Variants in FTCD observed in about 807,000 individuals in gnomAD.
FTCD encodes the protein formimidoyltransferase cyclodeaminase, also known as formimidoyltransferase-cyclodeaminase.
FTCD carries 76 observed loss-of-function variants against 62.9 expected under a neutral mutation model. That is an observed-to-expected ratio of 1.21 (90% confidence interval 1.00 to 1.46). The LOEUF (loss-of-function observed/expected upper bound fraction) is 1.46. Among genes scored for constraint, FTCD ranks in the 40% most tolerant of loss-of-function variants. The pLI is 0.00. For synonymous variants in FTCD, 397 were observed against 336.9 expected (o/e 1.18, Z -1.95); for missense variants, 845 against 751.3 (o/e 1.12, Z -1.46).
chr21:46,136,663 C>T (rs771044239), downstream of FTCD: 7 of 1,469,714 alleles, frequency 4.8e-6, no homozygotes, highest in Non-Finnish European at 6.3e-6. Context: ...ACGCTGCAAC[C>T]CCATTCCCTC....
intron 10 of FTCD, among the ~76,000 whole-genome samples, chr21:46,139,712 G>A (rs1455601468): frequency 1.3e-5 from 2 of 152,222 alleles, no homozygotes; most frequent in South Asian, 2.1e-4. Flanking sequence ...AGTGATCGAG[G>A]AACAGAAATG....
At chr21:46,150,791 C>T (rs1410517900) in intron 5 of FTCD, among the ~76,000 whole-genome samples, 1 of 152,268 alleles carries the variant, frequency 6.6e-6, no homozygotes, top group East Asian at 1.9e-4. Flanking sequence ...GCCTTCCAGC[C>T]ACGCTGTGTC....
chr21:46,142,403 G>A (rs548278770), intron 10 of FTCD: 9 of 150,478 alleles, frequency 6.0e-5, no homozygotes, highest in African/African-American at 2.2e-4. Flanking sequence ...TGAGGCCGCC[G>A]ACCTTCACAG....
intron 10 of FTCD, 199 bp from the exon 11 acceptor site, chr21:46,139,122 C>A: frequency 1.6e-6 from 1 of 620,122 alleles, no homozygotes; most frequent in South Asian, 1.9e-5. Flanking sequence ...GGGGTCGGGG[C>A]ACACAGCAGA....
At chr21:46,148,709 A>C (rs891855724) in intron 7 of FTCD, among the ~76,000 whole-genome samples, 2 of 152,220 alleles carry the variant, frequency 1.3e-5, no homozygotes, top group Non-Finnish European at 2.9e-5. Context: ...GGCGCTTTTA[A>C]AAGTCTGTCC....
chr21:46,144,221 C>A (rs1458493044), intron 10 of FTCD, among the ~76,000 whole-genome samples: 1 of 151,680 alleles, frequency 6.6e-6, no homozygotes, highest in East Asian at 2.0e-4. Context: ...AGGGCCACTA[C>A]CGGTCTCCGT....
At chr21:46,152,228 A>AT (rs1372254753) in intron 3 of FTCD, 3 of 509,768 alleles carry the variant, frequency 5.9e-6, no homozygotes, top group Non-Finnish European at 1.0e-5. Flanking sequence ...CAGGGTTAGG[A>AT]TGGAACATGT....
intron 10 of FTCD, 44 bp downstream of exon 10, chr21:46,145,350 ACTGGGGCCCCAGCTGGGGGTTCG>A (rs1419821451): frequency 1.6e-5 from 21 of 1,354,330 alleles, no homozygotes; most frequent in Middle Eastern, 2.4e-4. Context: ...CCCGCTTCTC[ACTGGGGCCCCAGCTGGGGGTTCG>A]CTGTTGGTGG....
rs2079228495 is a variant in FTCD, at chr21:46,150,018, G to A, written c.906+101C>T. 9 of 1,087,914 alleles carry A rather than the reference G, an allele frequency of 8.3e-6. No individual in the cohort carries two copies. In the Admixed American group the frequency reaches 1.6e-4, roughly 19 times the overall value. 67.4% of individuals were successfully genotyped at this position (1,087,914 alleles called of 1,614,324 possible). A position where few individuals can be genotyped will look rare whatever the true frequency, so the allele number is the denominator to read the frequency against. The stretch of plus-strand genomic sequence containing the variant: ...ACAAGTCAATAAAATGAAGGGGGAG[G>A]AGGGGGAGGGAAGCTGCGCCCCAGG... On this transcript the variant is annotated intron_variant, in intron 7 of 13. Coordinates refer to ENST00000397746, the MANE Select transcript of FTCD (RefSeq NM_206965.2).
chr21:46,143,557 C>T (rs1057038194), intron 10 of FTCD, among the ~76,000 whole-genome samples: 1 of 152,188 alleles, frequency 6.6e-6, no homozygotes, highest in African/African-American at 2.4e-5. Flanking sequence ...TTATAATAAT[C>T]TTTGCTCTGC....
chr21:46,142,049 G>C (rs923617543), intron 10 of FTCD: 1 of 152,354 alleles, frequency 6.6e-6, no homozygotes, highest in Admixed American at 6.5e-5. Context: ...GGCGGGCTGT[G>C]GCGAAGGCGG....
chr21:46,151,420 G>A, intron 5 of FTCD, 138 bp downstream of exon 5: 1 of 784,016 alleles, frequency 1.3e-6, no homozygotes, highest in South Asian at 1.6e-5. Flanking sequence ...GCGGAGGCTG[G>A]GCCGGTCTGC....
chr21:46,152,463 G>C (rs865807991), intron 3 of FTCD: 4 of 202,374 alleles, frequency 2.0e-5, no homozygotes, highest in Admixed American at 1.6e-4. Context: ...CGTGACGGGG[G>C]TTACGTGTGC....
rs1242339088 is a variant in FTCD at position 46,152,893 on chromosome 21, G to A, written c.367+14C>T. ...GACGGGAGCAGAGTGAGGGGGGCGG[G>A]GGGGCACGCTCACCTGGCACGTCCA... On this transcript the variant is annotated intron_variant, in intron 3 of 13. Coordinates refer to ENST00000397746, the MANE Select transcript of FTCD (RefSeq NM_206965.2). The A allele has an allele frequency of 2.6e-6, 4 of 1,567,324 alleles. No homozygotes were observed. Among genetic ancestry groups the A allele is most frequent in the East Asian group, 2.3e-5 (1 of 43,256 alleles).
chr21:46,136,457 T>TG (rs769583515), downstream of FTCD: 6 of 1,612,484 alleles, frequency 3.7e-6, no homozygotes, highest in African/African-American at 1.3e-5. Flanking sequence ...AGCGAGGCTA[T>TG]CCTTCCAGCG....
intron 7 of FTCD, among the ~76,000 whole-genome samples, chr21:46,149,583 G>A (rs1033493217): frequency 6.6e-6 from 1 of 152,032 alleles, no homozygotes; most frequent in Non-Finnish European, 1.5e-5. Context: ...CAGTGACCTC[G>A]AGTGAAAGGA....
At chr21:46,142,710 C>T (rs550418093) in intron 10 of FTCD, 2 of 152,288 alleles carry the variant, frequency 1.3e-5, no homozygotes, top group East Asian at 3.8e-4. Context: ...ACGGTTGGCG[C>T]TTGCTGGTTT....
rs963693341 is a variant in FTCD, at chr21:46,136,838, C to A, written c.*149G>T. The A allele has an allele frequency of 1.9e-6, 3 of 1,550,556 alleles. No homozygotes were observed. The highest frequency in any genetic ancestry group is 2.4e-5 in the South Asian group (2 of 84,060). On this transcript the variant is annotated 3_prime_UTR_variant, in exon 14 of 14. Transcript: ENST00000397746. ...ACTAGGGGCCTTCTGTCCCTGCCAG[C>A]GCCTCCATTCCCAGGCGATGCCCCG... is the stretch of plus-strand genomic sequence containing the variant.
intron 10 of FTCD, among the ~76,000 whole-genome samples, chr21:46,140,143 T>A (rs1482498168): frequency 3.9e-5 from 6 of 152,238 alleles, no homozygotes; most frequent in African/African-American, 1.2e-4. Flanking sequence ...AGAGGGAGCA[T>A]AAACCAATCC....
Sources: allele counts gnomAD v4.1 joint callset (sites outside exome capture counted in the v4.1 genomes callset), GRCh38; gene constraint gnomAD v4.1.1; transcripts MANE v1.5; gene names NCBI Gene and HGNC (gene_info 2026-07-23, HGNC 2026-07-21).